ANKDD1B: variants seen among roughly 807,000 people sequenced by gnomAD.
ANKDD1B encodes ankyrin repeat and death domain-containing protein 1B.
ANKDD1B carries 57 observed loss-of-function variants against 59.7 expected under a neutral mutation model. The ratio of observed to expected loss-of-function variants is 0.95; its 90% CI spans 0.77 to 1.19. The LOEUF (loss-of-function observed/expected upper bound fraction) is 1.19, where lower values mean the gene tolerates loss of function less well. Ranked by LOEUF, ANKDD1B falls within the 50% of genes most tolerant of loss-of-function variation. The probability of loss-of-function intolerance (pLI) is 0.00; values close to 1 mark genes in which losing one functional copy is unlikely to be tolerated. For synonymous variants in ANKDD1B, 216 were observed against 239.5 expected, an observed-to-expected ratio of 0.90 and a Z score of 0.91; for missense variants, 602 against 641.9, an observed-to-expected ratio of 0.94 and a Z score of 0.67.
In ANKDD1B at chr5:75,659,295, C is replaced by CCT; in HGVS notation, c.1012_1013dup (p.His339CysfsTer3). 6.5e-7 allele frequency: 1 copy of CCT among 1,535,850 alleles called. No individual in the cohort carries two copies. The highest frequency in any genetic ancestry group is 8.7e-7 in the Non-Finnish European group (1 of 1,146,690). The stretch of plus-strand genomic sequence containing the variant: ...AATTTCATGGCAGAAGCAGCAAACC[C>CCT]CTCTGCATGTAGCTGCTGATCGTGG... On this transcript the variant is annotated frameshift_variant, in exon 10 of 14. Coordinates refer to ENST00000601380, the MANE Select transcript of ANKDD1B (RefSeq NM_001276713.2). LOFTEE classifies it high-confidence loss of function.
At chr5:75,660,794 G>A (rs971114869) in intron 10 of ANKDD1B, among the ~76,000 whole-genome samples, 2 of 152,186 alleles carry the variant, frequency 1.3e-5, no homozygotes, top group Non-Finnish European at 2.9e-5. Context: ...TGGGTCACAC[G>A]CATAGTAAGA....
At chr5:75,618,017 G>C (rs1773757211) in intron 2 of ANKDD1B, among the ~76,000 whole-genome samples, 1 of 151,820 alleles carries the variant, frequency 6.6e-6, no homozygotes, top group African/African-American at 2.4e-5. Flanking sequence ...TGTGTGATGT[G>C]TTATGGGTGT....
chr5:75,611,514 C>G lies in ANKDD1B; in HGVS notation c.-121C>G. ...GATCCTGCGCTCCGGCCGGGCTGAC[C>G]TGCCTGCGTCCAGCCCCCGCGCCCT... On this transcript the variant is annotated 5_prime_UTR_variant, in exon 1 of 14. Transcript: ENST00000601380. 1 of 767,558 alleles carries G rather than the reference C, an allele frequency of 1.3e-6. No homozygotes were observed. Among genetic ancestry groups the G allele is most frequent in the Non-Finnish European group, 1.8e-6 (1 of 564,888 alleles). The allele number at this position is 767,558 out of a possible 1,614,324, so 47.5% of individuals were successfully genotyped here. A position where few individuals can be genotyped will look rare whatever the true frequency, so the allele number is the denominator to read the frequency against.
chr5:75,626,019 C>T, intron 5 of ANKDD1B, 64 bp downstream of exon 5: 2 of 1,212,102 alleles, frequency 1.7e-6, no homozygotes, highest in South Asian at 1.3e-5. Flanking sequence ...TTCTTCCTGC[C>T]TCTGGTACAG....
Position 75,663,444 on chromosome 5 carries a change from C to T in ANKDD1B, c.1146C>T (p.Val382=), listed in dbSNP as rs1488524298. ...AVASRSNHSL[V]VGMLIKAERY... ...CCTCCAGGAGCAACCATAGCCTTGT[C>T]GTGGGCATGCTCATTAAAGCAGAGA... The change falls in exon 11 of 14, where the codon GTC becomes GTT. Residue 382 remains valine, a synonymous_variant. Transcript: ENST00000601380. The T allele has an allele frequency of 2.6e-6, 4 of 1,536,262 alleles. No individual in the cohort carries two copies. Among genetic ancestry groups the T allele is most frequent in the African/African-American group, 2.7e-5 (2 of 73,018 alleles).
At chr5:75,661,436 C>A (rs187164843) in intron 10 of ANKDD1B, among the ~76,000 whole-genome samples, 39 of 138,242 alleles carry the variant, frequency 2.8e-4, no homozygotes, top group Middle Eastern at 7.6e-3. Context: ...GTAACACAGG[C>A]CCACTGTGGA....
chr5:75,666,234 G>C (rs549603417), intron 11 of ANKDD1B, among the ~76,000 whole-genome samples: 1 of 152,088 alleles, frequency 6.6e-6, no homozygotes, highest in African/African-American at 2.4e-5. Flanking sequence ...GACTTTAAAT[G>C]ATGTCCACTC....
intron 7 of ANKDD1B, among the ~76,000 whole-genome samples, chr5:75,649,916 G>A (rs991555294): frequency 3.9e-5 from 6 of 152,164 alleles, no homozygotes; most frequent in Non-Finnish European, 8.8e-5. Flanking sequence ...CTGAGATCTC[G>A]TCAGTGTTGT....
rs1171915526 is a variant in ANKDD1B at position 75,671,265 on chromosome 5, A to G, written c.*225A>G. The G allele has an allele frequency of 6.0e-6, 2 of 333,538 alleles. No homozygotes were observed. The highest frequency in any genetic ancestry group is 1.1e-5 in the Non-Finnish European group (2 of 184,662). The allele number at this position is 333,538 out of a possible 1,614,324, so 20.7% of individuals were successfully genotyped here. ...AGTTGTATGTGATTTTCCCATTTCT[A>G]TCAATCATTTGATGTAATCCATGTA... On this transcript the variant is annotated 3_prime_UTR_variant, in exon 14 of 14. Transcript: ENST00000601380.
intron 2 of ANKDD1B, among the ~76,000 whole-genome samples, chr5:75,619,585 G>GTA (rs2112956434): frequency 6.6e-6 from 1 of 152,258 alleles, no homozygotes; most frequent in South Asian, 2.1e-4. Flanking sequence ...ACAAAGAATA[G>GTA]TAAAGCCATG....
chr5:75,632,106 CAAAAA>C (rs529570814), intron 5 of ANKDD1B, among the ~76,000 whole-genome samples: 1 of 76,844 alleles, frequency 1.3e-5, no homozygotes. Context: ...AACTCTGTCT[CAAAAA>C]AAAAAAAAAA....
In ANKDD1B at chr5:75,671,714, A is replaced by AATC. The variant is rs1775491086; in HGVS notation, c.*675_*677dup. ...TGTACACCATTTTTTTTTTTTTTTA[A>AATC]ATCTCTTGGTGATGTAATTACAGAT... On this transcript the variant is annotated 3_prime_UTR_variant, in exon 14 of 14. Coordinates refer to ENST00000601380, the MANE Select transcript of ANKDD1B (RefSeq NM_001276713.2). 1 of 147,868 alleles carries AATC rather than the reference A, an allele frequency of 6.8e-6. No individual in the cohort carries two copies. The highest frequency in any genetic ancestry group is 2.5e-5 in the African/African-American group (1 of 39,602). The allele number at this position is 147,868 out of a possible 1,614,324, so 9.2% of individuals were successfully genotyped here.
chr5:75,627,381 C>T (rs1410528251), intron 5 of ANKDD1B, among the ~76,000 whole-genome samples: 1 of 152,120 alleles, frequency 6.6e-6, no homozygotes. Context: ...AAATGCGCTT[C>T]GTGGTAAGCC....
At chr5:75,649,065 A>C (rs1228663631) in intron 7 of ANKDD1B, among the ~76,000 whole-genome samples, 1 of 152,094 alleles carries the variant, frequency 6.6e-6, no homozygotes, top group East Asian at 1.9e-4. Flanking sequence ...GGCTCTCTTT[A>C]GGGCCCTATT....
chr5:75,633,849 G>A (rs771804039), intron 5 of ANKDD1B, among the ~76,000 whole-genome samples: 2 of 152,188 alleles, frequency 1.3e-5, no homozygotes, highest in Non-Finnish European at 2.9e-5. Context: ...GAATGGCTTG[G>A]TGACATTCTT....
rs1775320038 is a variant in ANKDD1B, at chr5:75,666,877, G to A, written c.1277G>A (p.Arg426His). Residue 426 changes from arginine to histidine, a missense_variant, in exon 12 of 14, where the codon CGC (arginine) becomes CAC (histidine). Physicochemically the swap from Arg to His is conservative, Grantham distance 29. This residue lies in a region of ANKDD1B where 280 missense variants were observed against 319.8 expected (regional missense o/e 0.88). Transcript: ENST00000601380. Reference protein sequence around the residue: ...QDHSLETRHIRTLLWDLAYHQ... With the variant: ...QDHSLETRHIHTLLWDLAYHQ... ...CACAGTCTGGAGACCAGACACATTC[G>A]CACGCTTCTCTGGGACCTGGCTTAC... 4.6e-6 allele frequency: 7 copies of A among 1,534,986 alleles called. No homozygotes were observed. Among genetic ancestry groups the A allele is most frequent in the African/African-American group, 1.4e-5 (1 of 72,928 alleles).
chr5:75,655,329 G>A (rs1234857736), intron 8 of ANKDD1B, among the ~76,000 whole-genome samples: 1 of 152,184 alleles, frequency 6.6e-6, no homozygotes, highest in Non-Finnish European at 1.5e-5. Context: ...ACCACCTTGT[G>A]GCTAGACTCC....
intron 7 of ANKDD1B, among the ~76,000 whole-genome samples, chr5:75,636,997 A>G (rs1292343346): frequency 6.6e-6 from 1 of 152,054 alleles, no homozygotes; most frequent in African/African-American, 2.4e-5. Flanking sequence ...CTATAATGCC[A>G]GCAGTTTGGG....
chr5:75,663,456 C>T lies in ANKDD1B; in HGVS notation c.1158C>T (p.Leu386=). Residue 386 remains leucine (L), a synonymous_variant, in exon 11 of 14, where the codon CTC becomes CTT. Coordinates refer to ENST00000601380, the MANE Select transcript of ANKDD1B (RefSeq NM_001276713.2). Reference sequence around the variant, plus strand: ...ACCATAGCCTTGTCGTGGGCATGCTCATTAAAGCAGAGAGATACTACGCCT... The same window carrying T: ...ACCATAGCCTTGTCGTGGGCATGCTTATTAAAGCAGAGAGATACTACGCCT... The part of the protein sequence containing the change: ...RSNHSLVVGM[L]IKAERYYAWR... The T allele has an allele frequency of 2.6e-6, 4 of 1,536,432 alleles. No homozygotes were observed. Among genetic ancestry groups the T allele is most frequent in the South Asian group, 1.2e-5 (1 of 84,070 alleles).
Sources: allele counts gnomAD v4.1 joint callset (sites outside exome capture counted in the v4.1 genomes callset), GRCh38; gene constraint gnomAD v4.1.1; regional missense constraint gnomAD v4.1.1; transcripts MANE v1.5; gene names NCBI Gene and HGNC (gene_info 2026-07-23, HGNC 2026-07-21).